PFKFB3: variants seen among roughly 807,000 people sequenced by gnomAD.
The protein encoded by PFKFB3 is 6-phosphofructo-2-kinase/fructose-2,6-bisphosphatase 3.
In PFKFB3, 33 loss-of-function variants were observed where a neutral mutation model predicts 68.0. The ratio of observed to expected loss-of-function variants is 0.49; its 90% CI spans 0.37 to 0.65. The LOEUF (loss-of-function observed/expected upper bound fraction) is 0.65, where lower values mean the gene tolerates loss of function less well. Ranked by LOEUF, PFKFB3 falls within the 30% of genes least tolerant of loss-of-function variation. PFKFB3 has a pLI of 0.00. For synonymous variants in PFKFB3, 315 were observed against 288.2 expected (o/e 1.09, Z -0.94); for missense variants, 586 against 712.2 (o/e 0.82, Z 2.02).
At chr10:6,210,016 T>G (rs28699422) in intron 1 of PFKFB3, among the ~76,000 whole-genome samples, 26,060 of 107,754 alleles carry the variant, frequency 0.24, 3,851 homozygotes, top group Non-Finnish European at 0.35. Flanking sequence ...CCTCCCAAAG[T>G]GCTGGGATTA....
intron 1 of PFKFB3, among the ~76,000 whole-genome samples, chr10:6,183,684 T>C (rs1842786354): frequency 6.8e-6 from 1 of 146,478 alleles, no homozygotes; most frequent in African/African-American, 2.5e-5. Flanking sequence ...AAGCAGGAAT[T>C]TTTTTTTTAA....
intron 1 of PFKFB3, among the ~76,000 whole-genome samples, chr10:6,173,158 C>T (rs1842362633): frequency 6.6e-6 from 1 of 152,214 alleles, no homozygotes; most frequent in Non-Finnish European, 1.5e-5. Flanking sequence ...CACACCCTTC[C>T]TCCAGGAAGC....
the PFKFB3 span, among the ~76,000 whole-genome samples, chr10:6,297,404 T>A: frequency 6.6e-6 from 1 of 152,122 alleles, no homozygotes; most frequent in African/African-American, 2.4e-5. Context: ...GCCACATCCG[T>A]GAGCACTTTG....
At chr10:6,238,126 G>A (rs576064357), downstream of PFKFB3, among the ~76,000 whole-genome samples, 12 of 151,806 alleles carry the variant, frequency 7.9e-5, no homozygotes, top group Non-Finnish European at 1.8e-4. Context: ...GACCCCTGGC[G>A]CAGTCCCTGA....
the PFKFB3 span, among the ~76,000 whole-genome samples, chr10:6,325,961 A>G: frequency 6.6e-6 from 1 of 152,190 alleles, no homozygotes; most frequent in African/African-American, 2.4e-5. Flanking sequence ...TGCACTGCTC[A>G]GAGGTGGCTT....
At chr10:6,303,586 G>A in the PFKFB3 span, among the ~76,000 whole-genome samples, 6 of 151,990 alleles carry the variant, frequency 3.9e-5, no homozygotes, top group South Asian at 2.1e-4. Context: ...AGGCCGAGGC[G>A]GGTGGATTAC....
downstream of PFKFB3, among the ~76,000 whole-genome samples, chr10:6,235,922 A>T (rs1846000584): frequency 6.6e-6 from 1 of 151,884 alleles, no homozygotes; most frequent in Admixed American, 6.6e-5. Flanking sequence ...GTGCACCACC[A>T]TGCCCAGCTA....
the PFKFB3 span, among the ~76,000 whole-genome samples, chr10:6,309,672 A>G: frequency 1.3e-5 from 2 of 152,054 alleles, no homozygotes; most frequent in East Asian, 3.9e-4. Flanking sequence ...TAATTTTTTT[A>G]AAGAATAACT....
chr10:6,250,815 C>T (rs914763989), intron 14 of PFKFB3, among the ~76,000 whole-genome samples: 6 of 152,162 alleles, frequency 3.9e-5, no homozygotes, highest in Non-Finnish European at 8.8e-5. Context: ...TAATAAATGA[C>T]CCAGTCCCAG....
chr10:6,188,002 CATATAT>C (rs35827719), intron 1 of PFKFB3, among the ~76,000 whole-genome samples: 17 of 148,094 alleles, frequency 1.1e-4, no homozygotes, highest in Admixed American at 4.7e-4. Flanking sequence ...TACCTACCTA[CATATAT>C]ATATATATAT....
intron 1 of PFKFB3, among the ~76,000 whole-genome samples, chr10:6,193,635 T>C (rs1843090985): frequency 6.6e-6 from 1 of 152,182 alleles, no homozygotes; most frequent in Non-Finnish European, 1.5e-5. Context: ...TTCACCTGGG[T>C]GCAGGCGGGC....
chr10:6,233,196 A>G lies in PFKFB3; in HGVS notation c.*254A>G. The G allele has an allele frequency of 2.0e-6, 1 of 492,096 alleles. No homozygotes were observed. Among genetic ancestry groups the G allele is most frequent in the Non-Finnish European group, 3.7e-6 (1 of 272,572 alleles). The allele number at this position is 492,096 out of a possible 1,614,324, so 30.5% of individuals were successfully genotyped here. ...CCCACCTCCACTCTCTGGGTTTCCT[A>G]GGAATGTCCAGCCTCGGAGACCTTC... On this transcript the variant is annotated 3_prime_UTR_variant, in exon 15 of 15. Transcript: ENST00000379775.
intron 1 of PFKFB3, among the ~76,000 whole-genome samples, chr10:6,165,210 A>T (rs989852841): frequency 1.3e-5 from 2 of 152,138 alleles, no homozygotes; most frequent in Non-Finnish European, 2.9e-5. Context: ...GAGAATGGCG[A>T]TGACTTTTAC....
downstream of PFKFB3, among the ~76,000 whole-genome samples, chr10:6,255,700 G>A (rs554361256): frequency 3.4e-4 from 52 of 152,184 alleles, 1 homozygote; most frequent in African/African-American, 1.1e-3. Context: ...AGGTGTGAGC[G>A]GGAACTCCAT....
At chr10:6,146,360 G>C in intron 1 of PFKFB3, 1 of 1,534,902 alleles carries the variant, frequency 6.5e-7, no homozygotes, top group Non-Finnish European at 8.7e-7. Context: ...TGACTCTCCT[G>C]TCCCGTTGGG....
At chr10:6,219,809 GT>G in intron 7 of PFKFB3, 116 bp downstream of exon 7, 31 of 1,083,608 alleles carry the variant, frequency 2.9e-5, no homozygotes, top group Non-Finnish European at 3.3e-5. Context: ...TTTTAAGACA[GT>G]TTTTTTTGTA....
At chr10:6,216,844 G>T in intron 5 of PFKFB3, 64 bp downstream of exon 5, 1 of 1,182,128 alleles carries the variant, frequency 8.5e-7, no homozygotes, top group Non-Finnish European at 1.3e-6. Flanking sequence ...TCAGGAAGCG[G>T]CCTGAGTCCT....
At position 6,155,768 on chromosome 10, in the gene PFKFB3, A is replaced by G. The variant is rs118146383; in HGVS notation, c.16+10755A>G. ...AGTCAGGTCACCCCTACCTCCAGCTAACCCTCGTGCCACAGGCTTGTTGAA... is the reference window on the plus strand; with the variant it reads ...AGTCAGGTCACCCCTACCTCCAGCTGACCCTCGTGCCACAGGCTTGTTGAA... On this transcript the variant is annotated intron_variant, in intron 1 of 14. Coordinates refer to the PFKFB3 transcript ENST00000379789. 9.8e-3 allele frequency among the ~76,000 whole-genome samples: 1,496 copies of G among 152,252 alleles called. 59 individuals are homozygous for G. The highest frequency in any genetic ancestry group is 0.068 in the Admixed American group (1,041 of 15,280).
chr10:6,200,198 T>C (rs1194831170), upstream of PFKFB3, among the ~76,000 whole-genome samples: 1 of 152,180 alleles, frequency 6.6e-6, no homozygotes, highest in Non-Finnish European at 1.5e-5. Context: ...CTATCTTTCA[T>C]AGTTTCTAGG....
Sources: gnomAD v4.1 joint callset for allele counts (sites outside exome capture counted in the v4.1 genomes callset) on GRCh38, gnomAD v4.1.1 for gene constraint, MANE v1.5 for transcripts, NCBI Gene and HGNC (gene_info 2026-07-23, HGNC 2026-07-21) for gene names.